Variants in VWA5B2 observed in about 807,000 individuals in gnomAD.
VWA5B2 encodes von Willebrand factor A domain containing 5B2.
Under a neutral mutation model 118.5 loss-of-function variants are expected in VWA5B2, and 93 were observed. The ratio of observed to expected loss-of-function variants is 0.79; its 90% CI spans 0.66 to 0.93. The LOEUF is 0.93. Among genes scored for constraint, VWA5B2 ranks in the 40% least tolerant of loss-of-function variants. The probability of loss-of-function intolerance (pLI) is 0.00; values close to 1 mark genes in which losing one functional copy is unlikely to be tolerated. For synonymous variants in VWA5B2, 708 were observed against 716.3 expected, an observed-to-expected ratio of 0.99 and a Z score of 0.19; for missense variants, 1,546 against 1,672.8, an observed-to-expected ratio of 0.92 and a Z score of 1.32.
At position 184,230,372 on chromosome 3, in the gene VWA5B2, G is replaced by T; in HGVS notation, c.-149-8G>T. 2.3e-6 allele frequency: 2 copies of T among 875,838 alleles called. No homozygotes were observed. Among genetic ancestry groups the T allele is most frequent in the East Asian group, 3.4e-5 (1 of 29,044 alleles). 54.3% of individuals were successfully genotyped at this position (875,838 alleles called of 1,614,324 possible). A position where few individuals can be genotyped will look rare whatever the true frequency, so the allele number is the denominator to read the frequency against. On this transcript the variant is annotated splice_polypyrimidine_tract_variant and splice_region_variant and intron_variant, in intron 1 of 19. Transcript: ENST00000691901. Reference sequence around the variant, plus strand: ...CCCCTTATCTCCCCCGCCACCTGTCGCCCTCAGGAGCTCCCGCTCGGCCTC... The same window carrying T: ...CCCCTTATCTCCCCCGCCACCTGTCTCCCTCAGGAGCTCCCGCTCGGCCTC...
chr3:184,240,742 G>A (rs2108434245), intron 16 of VWA5B2, 49 bp from the exon 17 acceptor site: 1 of 1,543,764 alleles, frequency 6.5e-7, no homozygotes, highest in Non-Finnish European at 8.7e-7. Context: ...TGAGCCCTCT[G>A]TAGAGGGTGG....
rs1466736591 is a variant in VWA5B2 at position 184,241,878 on chromosome 3, C to G, written c.3569C>G (p.Thr1190Arg). Residue 1190 changes from threonine to arginine, a missense_variant, in exon 20 of 20, where the codon ACA becomes AGA. Thr to Arg is a moderately conservative substitution (Grantham distance 71, BLOSUM62 -1). This residue lies in a region of VWA5B2 where 763 missense variants were observed against 766.6 expected (regional missense o/e 1.00). Transcript: ENST00000691901. This position sits in a 1 kb window ranked among gnomAD's most constrained non-coding sequence, Gnocchi z 5.1. ...GCTGCCTTCGACGAGTGGGAACTGA[C>G]AGCGGCCAAGGCTGATTGCTGGCTG... ...CAAAFDEWELTAAKADCWLRA... is the reference protein window; with the variant it reads ...CAAAFDEWELRAAKADCWLRA... The G allele has an allele frequency of 6.5e-7, 1 of 1,546,574 alleles. No homozygotes were observed. The highest frequency in any genetic ancestry group is 1.4e-5 in the African/African-American group (1 of 73,188).
Position 184,234,635 on chromosome 3 carries a change from C to G in VWA5B2, c.825C>G (p.Pro275=). The G allele has an allele frequency of 6.4e-7, 1 of 1,551,264 alleles. No individual in the cohort carries two copies. Among genetic ancestry groups the G allele is most frequent in the Non-Finnish European group, 8.7e-7 (1 of 1,146,942 alleles). ...ALEILLHPSE[P]HQPHLMLEGG... is the part of the protein sequence containing the mutation. ...AATTGTGTCCTCTCCTCTCAGAGCC[C>G]CATCAGCCACACCTGATGCTGGAGG... Residue 275 remains proline (P), a synonymous_variant, in exon 7 of 20, where the codon CCC becomes CCG. Transcript: ENST00000691901.
chr3:184,231,198 T>C (rs532774335), intron 3 of VWA5B2, among the ~76,000 whole-genome samples: 63 of 152,248 alleles, frequency 4.1e-4, no homozygotes, highest in African/African-American at 1.5e-3. Flanking sequence ...CCGGTCTCTC[T>C]AGGGGGCTGC....
rs1361480879 is a variant in VWA5B2 at position 184,242,105 on chromosome 3, G to T, written c.*67G>T. The T allele has an allele frequency of 6.6e-7, 1 of 1,520,976 alleles. No homozygotes were observed. Among genetic ancestry groups the T allele is most frequent in the Non-Finnish European group, 8.8e-7 (1 of 1,134,860 alleles). The allele number at this position is 1,520,976 out of a possible 1,614,324, so 94.2% of individuals were successfully genotyped here. A position where few individuals can be genotyped will look rare whatever the true frequency, so the allele number is the denominator to read the frequency against. On this transcript the variant is annotated 3_prime_UTR_variant, in exon 20 of 20. Transcript: ENST00000691901. ...ACTCAAGTCACTGCCGCCCAGGGCT[G>T]GCCTCTTGGTGCTGGGAAAGTGTAG...
In VWA5B2 at chr3:184,239,666, C is replaced by A; in HGVS notation, c.2393-23C>A. On this transcript the variant is annotated intron_variant, in intron 15 of 19. Transcript: ENST00000691901. This position sits in a 1 kb window ranked among gnomAD's most constrained non-coding sequence, Gnocchi z 5.1. ...AGCCCAGAGGACCACTCTGCCCATG[C>A]CCCTGCTGTCTTGCCTCCCCAGGAA... 1 of 1,467,962 alleles carries A rather than the reference C, an allele frequency of 6.8e-7. No homozygotes were observed. Among genetic ancestry groups the A allele is most frequent in the Non-Finnish European group, 9.1e-7 (1 of 1,103,252 alleles). 90.9% of individuals were successfully genotyped at this position (1,467,962 alleles called of 1,614,324 possible).
chr3:184,237,721 G>A lies in VWA5B2; in HGVS notation c.1719+310G>A, dbSNP rs1301652589. Among the ~76,000 whole-genome samples the A allele has an allele frequency of 1.3e-5, 2 of 152,194 alleles. No individual in the cohort carries two copies. Among genetic ancestry groups the A allele is most frequent in the Admixed American group, 6.5e-5 (1 of 15,282 alleles). The stretch of plus-strand genomic sequence containing the variant: ...CATTTGCTATGAGGTTTCCGTCAAG[G>A]CTTGCTCATGGCTTCACATAGTTCC... On this transcript the variant is annotated intron_variant, in intron 12 of 19. Coordinates refer to ENST00000691901, the MANE Select transcript of VWA5B2 (RefSeq NM_001390846.1). The surrounding 1 kb of genome is among the most constrained non-coding windows in gnomAD (Gnocchi z 5.6).
Position 184,236,168 on chromosome 3 carries a change from C to T in VWA5B2, c.1118C>T (p.Ala373Val). ...SVAHKDAIVL[A>V]VKSLPPQTLI... The stretch of plus-strand genomic sequence containing the variant: ...CCTCCACAGGATGCCATTGTTTTGG[C>T]TGTGAAGTCCCTCCCGCCCCAGACG... Residue 373 changes from alanine to valine, a missense_variant, in exon 9 of 20, where the codon GCT becomes GTT. Ala to Val is a moderately conservative substitution (Grantham distance 64). Around this residue, in one of 3 missense-constraint regions of VWA5B2, gnomAD observed 775 missense variants for 882.3 expected, o/e 0.88. Transcript: ENST00000691901. 1 of 1,551,558 alleles carries T rather than the reference C, an allele frequency of 6.4e-7. No individual in the cohort carries two copies. Among genetic ancestry groups the T allele is most frequent in the East Asian group, 2.4e-5 (1 of 40,924 alleles).
Position 184,233,630 on chromosome 3 carries a change from G to A in VWA5B2, c.585G>A (p.Glu195=). 4.5e-6 allele frequency: 7 copies of A among 1,551,268 alleles called. No homozygotes were observed. The highest frequency in any genetic ancestry group is 6.1e-6 in the Non-Finnish European group (7 of 1,146,936). Residue 195 remains glutamate (E), a synonymous_variant, in exon 5 of 20, where the codon GAG becomes GAA. Transcript: ENST00000691901. The surrounding 1 kb of genome is among the most constrained non-coding windows in gnomAD (Gnocchi z 5.2). ...TTCAGGAGGAAGGGCTGGCCTGGGA[G>A]GAGCTGGCTGCCCCTCGGGACGTGT... ...GSLQEEGLAW[E]ELAAPRDVFS... is the part of the protein sequence containing the mutation.
chr3:184,241,621 G>A lies in VWA5B2; in HGVS notation c.3312G>A (p.Ser1104=). 6.5e-7 allele frequency: 1 copy of A among 1,542,180 alleles called. No homozygotes were observed. Among genetic ancestry groups the A allele is most frequent in the African/African-American group, 1.4e-5 (1 of 73,168 alleles). ...ACCGCGCCAGCCTCAGCCCCACCTC[G>A]GCCTCATTGCCCTGGGCACTTCTGG... ...AVHRASLSPT[S]ASLPWALLGP... is the part of the protein sequence containing the mutation. The change falls in exon 20 of 20, where the codon TCG becomes TCA. Residue 1104 remains serine, a synonymous_variant. Transcript: ENST00000691901. The surrounding 1 kb of genome is among the most constrained non-coding windows in gnomAD (Gnocchi z 5.1).
intron 8 of VWA5B2, 23 bp from the exon 9 acceptor site, chr3:184,236,129 C>T (rs1717956193): frequency 3.9e-6 from 6 of 1,547,562 alleles, no homozygotes; most frequent in Middle Eastern, 2.0e-4. Context: ...CGGCCTCACG[C>T]CGCCCTCCCT....
chr3:184,237,401 G>A lies in VWA5B2; in HGVS notation c.1709G>A (p.Arg570His), dbSNP rs1718113502. The A allele has an allele frequency of 3.9e-6, 6 of 1,548,602 alleles. No individual in the cohort carries two copies. Among genetic ancestry groups the A allele is most frequent in the Non-Finnish European group, 5.2e-6 (6 of 1,145,142 alleles). Residue 570 changes from arginine to histidine, a missense_variant, in exon 12 of 20, where the codon CGC becomes CAC. Arg to His is a conservative substitution (Grantham distance 29). Transcript: ENST00000691901. The surrounding 1 kb of genome is among the most constrained non-coding windows in gnomAD (Gnocchi z 5.6). ...SLFRVDGFRS[R>H]PPGGQEPGWQ... is the part of the protein sequence containing the mutation. ...TTCAGGGTGGATGGCTTCCGGTCCC[G>A]CCCACCAGGGGTAAGCTTGGGCTGG...
chr3:184,235,073 C>G (rs1249175261), intron 7 of VWA5B2, 80 bp from the exon 8 acceptor site: 1 of 1,487,236 alleles, frequency 6.7e-7, no homozygotes, highest in African/African-American at 1.4e-5. Context: ...AGAAAAAGGC[C>G]CCAGAGCCAG....
At position 184,237,317 on chromosome 3, in the gene VWA5B2, C is replaced by G. The variant is rs1418372677; in HGVS notation, c.1625C>G (p.Thr542Ser). Reference sequence around the variant, plus strand: ...CCCGACACTGTGGAGGCACTGCTGACCCCCCGGGAGATCCCAGCACTCTAC... The same window carrying G: ...CCCGACACTGTGGAGGCACTGCTGAGCCCCCGGGAGATCCCAGCACTCTAC... ...FVPDTVEALL[T>S]PREIPALYPG... The change falls in exon 12 of 20, where the codon ACC becomes AGC. Residue 542 changes from threonine (T) to serine (S), a missense_variant. Physicochemically the swap from Thr to Ser is moderately conservative, Grantham distance 58. Coordinates refer to ENST00000691901, the MANE Select transcript of VWA5B2 (RefSeq NM_001390846.1). The surrounding 1 kb of genome is among the most constrained non-coding windows in gnomAD (Gnocchi z 5.6). 1 of 1,551,338 alleles carries G rather than the reference C, an allele frequency of 6.4e-7. No homozygotes were observed. Among genetic ancestry groups the G allele is most frequent in the African/African-American group, 1.4e-5 (1 of 73,000 alleles).
In VWA5B2 at chr3:184,236,145, T is replaced by C; in HGVS notation, c.1102-7T>C. ...GGCCTCACGCCGCCCTCCCTGGCCC[T>C]CCACAGGATGCCATTGTTTTGGCTG... On this transcript the variant is annotated splice_region_variant and splice_polypyrimidine_tract_variant and intron_variant, in intron 8 of 19. Coordinates refer to ENST00000691901, the MANE Select transcript of VWA5B2 (RefSeq NM_001390846.1). 5.8e-6 allele frequency: 9 copies of C among 1,551,000 alleles called. No individual in the cohort carries two copies. The highest frequency in any genetic ancestry group is 7.8e-6 in the Non-Finnish European group (9 of 1,146,894).
chr3:184,236,592 C>A, intron 10 of VWA5B2, 41 bp downstream of exon 10: 2 of 1,547,192 alleles, frequency 1.3e-6, no homozygotes, highest in East Asian at 2.5e-5. Flanking sequence ...ACTGAGCCCC[C>A]ACAAGGGGCT....
rs530131165 is a variant in VWA5B2, at chr3:184,241,031, T to G, written c.2886T>G (p.Ala962=). The part of the protein sequence containing the change: ...GALQVCSSEP[A]EPPGTPPASH... ...TCCCATGTGCCCCTGCAGAGCCCGCTGAGCCCCCAGGAACCCCTCCTGCCT... is the reference window on the plus strand; with the variant it reads ...TCCCATGTGCCCCTGCAGAGCCCGCGGAGCCCCCAGGAACCCCTCCTGCCT... The change falls in exon 18 of 20, where the codon GCT becomes GCG. Residue 962 remains alanine (A), a synonymous_variant. Coordinates refer to ENST00000691901, the MANE Select transcript of VWA5B2 (RefSeq NM_001390846.1). The surrounding 1 kb of genome is among the most constrained non-coding windows in gnomAD (Gnocchi z 5.1). 3.9e-6 allele frequency: 6 copies of G among 1,551,644 alleles called. No homozygotes were observed. The African/African-American group carries it at 6.8e-5, about 18-fold the overall frequency.
chr3:184,230,630 G>C lies in VWA5B2; in HGVS notation c.102G>C (p.Arg34=). 4.3e-6 allele frequency: 6 copies of C among 1,398,484 alleles called. No homozygotes were observed. The allele number at this position is 1,398,484 out of a possible 1,614,324, so 86.6% of individuals were successfully genotyped here. Residue 34 remains arginine (R), a synonymous_variant, in exon 2 of 20, where the codon CGG becomes CGC. Transcript: ENST00000691901. ...ANGPCLSVRA[R]LTYRNPQPQP... ...GCCCCTGCCTCAGCGTGCGGGCCCG[G>C]CTCACCTACCGCAACCCGCAGCCGC... is the stretch of plus-strand genomic sequence containing the variant.
Position 184,233,158 on chromosome 3 carries a change from C to A in VWA5B2, c.311-20C>A. On this transcript the variant is annotated intron_variant, in intron 3 of 19. Transcript: ENST00000691901. This position sits in a 1 kb window ranked among gnomAD's most constrained non-coding sequence, Gnocchi z 5.2. Reference sequence around the variant, plus strand: ...CCTCTGCTTCCAGCATGCTCTGACCCCATTTCTCACCCATCATAGGTCATC... The same window carrying A: ...CCTCTGCTTCCAGCATGCTCTGACCACATTTCTCACCCATCATAGGTCATC... 6.5e-7 allele frequency: 1 copy of A among 1,545,152 alleles called. No homozygotes were observed. The highest frequency in any genetic ancestry group is 1.2e-5 in the South Asian group (1 of 83,098).
Sources: gnomAD v4.1 joint callset for allele counts (sites outside exome capture counted in the v4.1 genomes callset) on GRCh38, gnomAD v4.1.1 for gene constraint, gnomAD v4.1.1 regional missense constraint, Gnocchi (gnomAD v3.1) non-coding constraint, MANE v1.5 for transcripts, NCBI Gene and HGNC (gene_info 2026-07-23, HGNC 2026-07-21) for gene names.